EPHA6: variants seen among roughly 807,000 people sequenced by gnomAD.
EPHA6 encodes the protein EPH receptor A6, also known as ephrin type-A receptor 6.
Under a neutral mutation model 112.0 loss-of-function variants are expected in EPHA6, and 50 were observed. The observed-to-expected ratio is 0.45, with a 90% confidence interval of 0.36 to 0.56. The LOEUF is 0.56. Ranked by LOEUF, EPHA6 falls within the 20% of genes least tolerant of loss-of-function variation. The probability of loss-of-function intolerance (pLI) is 0.00; values close to 1 mark genes in which losing one functional copy is unlikely to be tolerated. For missense variants in EPHA6, 1,280 were observed against 1,417.4 expected (o/e 0.90, Z 1.56); for synonymous variants, 529 against 490.7 (o/e 1.08, Z -1.03).
At chr3:97,232,257 A>G (rs1333714598) in intron 4 of EPHA6, among the ~76,000 whole-genome samples, 1 of 152,190 alleles carries the variant, frequency 6.6e-6, no homozygotes, top group Non-Finnish European at 1.5e-5. Context: ...AAATGAGTTA[A>G]TATTTGAAAA....
chr3:97,692,194 C>T (rs190963018), intron 14 of EPHA6, among the ~76,000 whole-genome samples: 2 of 152,142 alleles, frequency 1.3e-5, no homozygotes, highest in Admixed American at 6.5e-5. Flanking sequence ...TAGATTGTGT[C>T]CTACTGCATA....
chr3:97,135,517 T>A (rs1161814442), intron 3 of EPHA6, among the ~76,000 whole-genome samples: 3 of 152,190 alleles, frequency 2.0e-5, no homozygotes. Context: ...CAATTTTTAT[T>A]CAGACATTCT....
At chr3:97,447,688 G>T in intron 6 of EPHA6, 1 of 824,192 alleles carries the variant, frequency 1.2e-6, no homozygotes, top group South Asian at 5.6e-5. Flanking sequence ...GTGGGCAAGA[G>T]AGACCATGTA....
At chr3:97,173,952 G>T (rs568200454) in intron 3 of EPHA6, among the ~76,000 whole-genome samples, 7 of 151,570 alleles carry the variant, frequency 4.6e-5, no homozygotes, top group South Asian at 2.1e-4. Context: ...TCACCCTATT[G>T]TACTTTCAAA....
intron 1 of EPHA6, among the ~76,000 whole-genome samples, chr3:96,820,454 GAGA>G (rs2033164494): frequency 6.6e-6 from 1 of 151,928 alleles, no homozygotes; most frequent in Non-Finnish European, 1.5e-5. Context: ...TGGAGCTGGA[GAGA>G]AGAAGATGGG....
intron 2 of EPHA6, among the ~76,000 whole-genome samples, chr3:96,967,231 T>G (rs2042154807): frequency 6.7e-6 from 1 of 150,160 alleles, no homozygotes; most frequent in South Asian, 2.1e-4. Flanking sequence ...GGTTATATAA[T>G]AAGAAATTAT....
At chr3:97,022,386 C>T (rs1361904730) in intron 3 of EPHA6, among the ~76,000 whole-genome samples, 3 of 152,138 alleles carry the variant, frequency 2.0e-5, no homozygotes, top group Non-Finnish European at 4.4e-5. Flanking sequence ...TATAACTTTT[C>T]AGCTACTTGA....
At chr3:96,994,724 TATATATATAG>T (rs2043341968) in intron 3 of EPHA6, among the ~76,000 whole-genome samples, 2 of 78,758 alleles carry the variant, frequency 2.5e-5, no homozygotes, top group Admixed American at 1.4e-4. Flanking sequence ...TATATATATA[TATATATATAG>T]AGAGAGAGAG....
At chr3:96,941,218 C>T (rs1337327744) in intron 2 of EPHA6, among the ~76,000 whole-genome samples, 2 of 152,158 alleles carry the variant, frequency 1.3e-5, no homozygotes, top group East Asian at 1.9e-4. Flanking sequence ...CCATTCTCCC[C>T]GTCACTTTCA....
chr3:97,210,463 C>T (rs926826309), intron 3 of EPHA6, among the ~76,000 whole-genome samples: 2 of 152,080 alleles, frequency 1.3e-5, no homozygotes, highest in Non-Finnish European at 1.5e-5. Context: ...TACCTTGACA[C>T]GTGGGGATGA....
chr3:97,234,840 C>T (rs1018163518), intron 4 of EPHA6, among the ~76,000 whole-genome samples: 1 of 152,080 alleles, frequency 6.6e-6, no homozygotes, highest in African/African-American at 2.4e-5. Context: ...TCAGTCTTCT[C>T]TCCTGAGGTG....
chr3:97,726,377 A>G (rs2034769708), intron 15 of EPHA6, among the ~76,000 whole-genome samples: 1 of 152,164 alleles, frequency 6.6e-6, no homozygotes, highest in African/African-American at 2.4e-5. Flanking sequence ...TCACAAGAGT[A>G]GTATTTTTAT....
chr3:97,334,475 C>CTTTTTTTTTTTT (rs2082958134), intron 5 of EPHA6, among the ~76,000 whole-genome samples: 1 of 136,840 alleles, frequency 7.3e-6, no homozygotes, highest in African/African-American at 2.9e-5. Flanking sequence ...CTTTTTTTTT[C>CTTTTTTTTTTTT]TTCTTTTTTT....
chr3:97,651,993 C>A (rs1056134017), intron 14 of EPHA6, among the ~76,000 whole-genome samples: 2 of 151,946 alleles, frequency 1.3e-5, no homozygotes, highest in Non-Finnish European at 2.9e-5. Context: ...TAGTTTTCAA[C>A]CCTAACCCCA....
intron 2 of EPHA6, among the ~76,000 whole-genome samples, chr3:96,884,235 G>GT (rs2037492001): frequency 6.6e-6 from 1 of 151,992 alleles, no homozygotes; most frequent in South Asian, 2.1e-4. Flanking sequence ...TTTTAGAAAT[G>GT]TTTTTTCTAA....
intron 2 of EPHA6, among the ~76,000 whole-genome samples, chr3:96,965,620 G>A (rs2042097350): frequency 6.6e-6 from 1 of 151,996 alleles, no homozygotes; most frequent in Non-Finnish European, 1.5e-5. Flanking sequence ...TCATCTACCA[G>A]TTTTATGTAT....
chr3:96,972,141 A>T (rs919373632), intron 2 of EPHA6, among the ~76,000 whole-genome samples: 5 of 152,064 alleles, frequency 3.3e-5, no homozygotes, highest in Non-Finnish European at 1.5e-5. Flanking sequence ...TTTGGATTCT[A>T]TATCTTTCAA....
At chr3:97,129,383 T>C (rs1050775570) in intron 3 of EPHA6, among the ~76,000 whole-genome samples, 6 of 151,860 alleles carry the variant, frequency 4.0e-5, no homozygotes, top group Non-Finnish European at 8.8e-5. Flanking sequence ...GTGCCTGTAG[T>C]CCCAGCTACT....
At chr3:97,153,484 C>G (rs2076216293) in intron 3 of EPHA6, among the ~76,000 whole-genome samples, 1 of 152,026 alleles carries the variant, frequency 6.6e-6, no homozygotes, top group African/African-American at 2.4e-5. Flanking sequence ...ACATGAATCA[C>G]TTTCTAAAAA....
Sources: gnomAD v4.1 joint callset for allele counts (sites outside exome capture counted in the v4.1 genomes callset) on GRCh38, gnomAD v4.1.1 for gene constraint, MANE v1.5 for transcripts, NCBI Gene and HGNC (gene_info 2026-07-23, HGNC 2026-07-21) for gene names.